The following MEGF6 variants were observed in gnomAD, a reference collection of about 807,000 sequenced individuals.
MEGF6 encodes the protein multiple epidermal growth factor-like domains protein 6.
In MEGF6, 184 loss-of-function variants were observed where a neutral mutation model predicts 207.1. The observed-to-expected ratio is 0.89, with a 90% CI of 0.79 to 1.00. The LOEUF is 1.00. MEGF6 is among the 50% of genes least tolerant of loss of function. The pLI, the probability that MEGF6 is intolerant of heterozygous loss-of-function variation, is 0.00. For synonymous variants in MEGF6, 1,038 were observed against 910.0 expected (o/e 1.14, Z -2.53); for missense variants, 2,282 against 2,202.9 (o/e 1.04, Z -0.72).
chr1:3,542,671 A>G (rs1642568399), intron 4 of MEGF6, among the ~76,000 whole-genome samples: 1 of 152,078 alleles, frequency 6.6e-6, no homozygotes, highest in South Asian at 2.1e-4. Flanking sequence ...AAACCTCTAG[A>G]TTGCTGTAAG....
intron 5 of MEGF6, among the ~76,000 whole-genome samples, chr1:3,516,246 C>T (rs1641537560): frequency 6.6e-6 from 1 of 152,220 alleles, no homozygotes; most frequent in African/African-American, 2.4e-5. Context: ...CGCAGGGAGG[C>T]GGGGACAGGG....
intron 1 of MEGF6, among the ~76,000 whole-genome samples, chr1:3,607,122 A>G (rs1341399293): frequency 6.6e-6 from 1 of 151,910 alleles, no homozygotes; most frequent in Non-Finnish European, 1.5e-5. Context: ...TGCTCCCCTC[A>G]GAAGGGCCTT....
intron 26 of MEGF6, 163 bp from the exon 27 acceptor site, chr1:3,497,524 A>AG: frequency 1.0e-6 from 1 of 1,000,388 alleles, no homozygotes. Flanking sequence ...GCCACCCCGG[A>AG]GGGCAGAGGC....
intron 4 of MEGF6, among the ~76,000 whole-genome samples, chr1:3,557,889 G>A (rs932581436): frequency 6.6e-6 from 1 of 152,214 alleles, no homozygotes; most frequent in Non-Finnish European, 1.5e-5. Flanking sequence ...CAAGAGGGCT[G>A]GGTGTCTCCA....
chr1:3,571,685 T>C (rs1643498223), intron 4 of MEGF6, among the ~76,000 whole-genome samples: 1 of 139,340 alleles, frequency 7.2e-6, no homozygotes, highest in Non-Finnish European at 1.5e-5. Context: ...ATATGCTGGT[T>C]CCTTCCTGGC....
chr1:3,539,597 G>A (rs1471645291), intron 4 of MEGF6, among the ~76,000 whole-genome samples: 1 of 152,164 alleles, frequency 6.6e-6, no homozygotes, highest in East Asian at 1.9e-4. Context: ...CTGACTCTGG[G>A]GCACAATCGC....
In MEGF6 at chr1:3,497,373, T is replaced by C. The variant is rs1274288869; in HGVS notation, c.3353-12A>G. ...GCCCCGCAGGCAGGCTGCAGAAAGA[T>C]GAGGGCTGCGGAGGCTTCTAGGAGG... On this transcript the variant is annotated splice_polypyrimidine_tract_variant and intron_variant, in intron 26 of 36. Transcript: ENST00000356575. 6.5e-7 allele frequency: 1 copy of C among 1,529,354 alleles called. No individual in the cohort carries two copies. Among genetic ancestry groups the C allele is most frequent in the East Asian group, 2.4e-5 (1 of 42,346 alleles). 94.7% of individuals were successfully genotyped at this position (1,529,354 alleles called of 1,614,324 possible).
At chr1:3,514,002 A>T (rs1570014641) in intron 7 of MEGF6, among the ~76,000 whole-genome samples, 1 of 152,056 alleles carries the variant, frequency 6.6e-6, no homozygotes, top group South Asian at 2.1e-4. Context: ...TAATCCCAGC[A>T]CTTTGGGAGG....
At chr1:3,516,297 C>T (rs1338380537) in intron 5 of MEGF6, among the ~76,000 whole-genome samples, 1 of 152,250 alleles carries the variant, frequency 6.6e-6, no homozygotes, top group Non-Finnish European at 1.5e-5. Context: ...CACTGGACCT[C>T]TGCCAAAAGC....
chr1:3,492,298 C>T (rs1022547224), intron 35 of MEGF6, among the ~76,000 whole-genome samples: 1 of 152,152 alleles, frequency 6.6e-6, no homozygotes, highest in Non-Finnish European at 1.5e-5. Flanking sequence ...TGTGGATGGT[C>T]CAGCCCAGCC....
rs762755724 is a variant in MEGF6 at position 3,505,398 on chromosome 1, C to CCCCCG, written c.2053+23_2053+24insCGGGG. Reference sequence around the variant, plus strand: ...TTAACCGACCCTGGCGCCCCCCGCCCCCAGACCCCATGCCTGGACTCACCT... The same window carrying CCCCCG: ...TTAACCGACCCTGGCGCCCCCCGCCCCCCCGCCAGACCCCATGCCTGGACTCACCT... On this transcript the variant is annotated intron_variant, in intron 16 of 36. Transcript: ENST00000356575. The CCCCCG allele has an allele frequency of 5.2e-4, 826 of 1,576,344 alleles. 4 individuals are homozygous for CCCCCG. Among genetic ancestry groups the CCCCCG allele is most frequent in the Admixed American group, 1.1e-3 (61 of 53,542 alleles).
chr1:3,566,205 G>A (rs948962679), intron 4 of MEGF6, among the ~76,000 whole-genome samples: 1 of 152,112 alleles, frequency 6.6e-6, no homozygotes, highest in Non-Finnish European at 1.5e-5. Context: ...CGGCTTGACC[G>A]GGCCAGAGGG....
the MEGF6 span, among the ~76,000 whole-genome samples, chr1:3,619,141 C>T: frequency 6.6e-6 from 1 of 152,240 alleles, no homozygotes; most frequent in Non-Finnish European, 1.5e-5. Context: ...ACACACCCAG[C>T]GTGAAGCTGC....
chr1:3,553,817 T>C (rs12078542), intron 4 of MEGF6, among the ~76,000 whole-genome samples: 12,754 of 151,962 alleles, frequency 0.084, 751 homozygotes, highest in African/African-American at 0.16. Flanking sequence ...TCAGGAGGGG[T>C]GGGCAGCCTC....
chr1:3,558,521 G>C (rs954142556), intron 4 of MEGF6, among the ~76,000 whole-genome samples: 1 of 152,098 alleles, frequency 6.6e-6, no homozygotes, highest in Non-Finnish European at 1.5e-5. Flanking sequence ...CCCCCTTCCT[G>C]CCCCGACTTC....
chr1:3,517,991 A>G (rs144455473), intron 5 of MEGF6, among the ~76,000 whole-genome samples: 2 of 152,320 alleles, frequency 1.3e-5, no homozygotes, highest in African/African-American at 4.8e-5. Context: ...ATCCGGCCCG[A>G]CATTTCTGCC....
At position 3,507,890 on chromosome 1, in the gene MEGF6, C is replaced by T; in HGVS notation, c.1694G>A (p.Ser565Asn). 1 of 1,612,818 alleles carries T rather than the reference C, an allele frequency of 6.2e-7. No homozygotes were observed. Among genetic ancestry groups the T allele is most frequent in the Non-Finnish European group, 8.5e-7 (1 of 1,179,928 alleles). ...ACCATTCTGACAGCTGCAGGAGAAG[C>T]TGCAGTTCTTCCCAAAGGTGTCCGG... ...CPPDTFGKNC[S>N]FSCSCQNGGT... is the part of the protein sequence containing the mutation. The change falls in exon 14 of 37, where the codon AGC (serine) becomes AAC (asparagine). Residue 565 changes from serine to asparagine, a missense_variant. By Grantham distance (46) the Ser-to-Asn change is conservative (BLOSUM62 1). Transcript: ENST00000356575.
upstream of MEGF6, among the ~76,000 whole-genome samples, chr1:3,613,261 T>A (rs144328767): frequency 4.4e-3 from 671 of 152,192 alleles, 3 homozygotes; most frequent in African/African-American, 0.016. Flanking sequence ...AAGCCTGGGT[T>A]TGGGGGCTAC....
intron 18 of MEGF6, 121 bp from the exon 19 acceptor site, chr1:3,501,429 G>A (rs1353352278): frequency 1.4e-6 from 2 of 1,395,058 alleles, no homozygotes; most frequent in South Asian, 1.4e-5. Flanking sequence ...TACCATCTCA[G>A]CCTGCCCCGG....
Sources: allele counts gnomAD v4.1 joint callset (sites outside exome capture counted in the v4.1 genomes callset), GRCh38; gene constraint gnomAD v4.1.1; transcripts MANE v1.5; gene names NCBI Gene and HGNC (gene_info 2026-07-23, HGNC 2026-07-21).